Variants in UQCC1 observed in about 807,000 individuals in gnomAD.
UQCC1 encodes the protein bFGF-repressed Zic-binding protein.
UQCC1 carries 38 observed loss-of-function variants against 48.0 expected under a neutral mutation model. That is an observed-to-expected ratio of 0.79 (90% CI 0.61 to 1.04). The LOEUF (loss-of-function observed/expected upper bound fraction) is 1.04, where lower values mean the gene tolerates loss of function less well. Among genes scored for constraint, UQCC1 ranks in the 50% least tolerant of loss-of-function variants. UQCC1 has a pLI of 0.00. For synonymous variants in UQCC1, 111 were observed against 129.2 expected (o/e 0.86, Z 0.95); for missense variants, 368 against 381.8 (o/e 0.96, Z 0.30).
chr20:35,353,859 T>G (rs1338416846), intron 6 of UQCC1, among the ~76,000 whole-genome samples: 1 of 152,172 alleles, frequency 6.6e-6, no homozygotes, highest in Non-Finnish European at 1.5e-5. Context: ...TACAGTAATA[T>G]CTGACTCATC....
Position 35,303,991 on chromosome 20 carries a change from T to C in UQCC1, c.844A>G (p.Asn282Asp). The C allele has an allele frequency of 1.2e-6, 2 of 1,614,158 alleles. No homozygotes were observed. ...EVSWRPLVEKNPQSILKPHSP... is the reference protein window; with the variant it reads ...EVSWRPLVEKDPQSILKPHSP... The stretch of plus-strand genomic sequence containing the variant: ...TGGGGCTTCAGGATGCTCTGAGGAT[T>C]CTTCTCCACTAGAGGGCGCCAGCTC... The change falls in exon 10 of 10, where the codon AAT (asparagine) becomes GAT (aspartate). Residue 282 changes from asparagine to aspartate, a missense_variant. By Grantham distance (23) the Asn-to-Asp change is conservative (BLOSUM62 1). Transcript: ENST00000374385.
At chr20:35,353,226 A>C (rs2061509397) in intron 6 of UQCC1, among the ~76,000 whole-genome samples, 1 of 150,478 alleles carries the variant, frequency 6.6e-6, no homozygotes, top group Non-Finnish European at 1.5e-5. Context: ...GTGAAACCCT[A>C]TCTCTACTAA....
rs113934300 is a variant in UQCC1 at position 35,320,938 on chromosome 20, T to C, written c.574-6173A>G. ...CAATGCAACACAAGATTGTAGGTCA[T>C]GTTTTAGTTTGCTGTAGTAGACAGT... On this transcript the variant is annotated intron_variant, in intron 7 of 9. Transcript: ENST00000374385. 2.7e-3 allele frequency among the ~76,000 whole-genome samples: 412 copies of C among 152,356 alleles called. 1 individual carries two copies. Among genetic ancestry groups the C allele is most frequent in the African/African-American group, 8.8e-3 (365 of 41,582 alleles).
At chr20:35,391,198 A>G (rs1215662183) in intron 2 of UQCC1, among the ~76,000 whole-genome samples, 1 of 152,194 alleles carries the variant, frequency 6.6e-6, no homozygotes, top group Admixed American at 6.5e-5. Flanking sequence ...TGTCTCAAAA[A>G]AATGAATAAA....
At chr20:35,366,462 A>G (rs2061667318) in intron 6 of UQCC1, 95 bp downstream of exon 6, 3 of 1,062,850 alleles carry the variant, frequency 2.8e-6, no homozygotes, top group Admixed American at 2.2e-5. Flanking sequence ...AACAACTGCC[A>G]TTTCATATAA....
rs540202679 is a variant in UQCC1 at position 35,373,276 on chromosome 20, T to A, written c.406+908A>T. 7.9e-5 allele frequency among the ~76,000 whole-genome samples: 12 copies of A among 152,350 alleles called. No individual in the cohort carries two copies. In the South Asian group the frequency reaches 2.3e-3, roughly 29 times the overall value. Reference sequence around the variant, plus strand: ...AAATTATATATGCCTTTTGACCCAATAGTCTTTTAACATGAGAAAAATCAT... The same window carrying A: ...AAATTATATATGCCTTTTGACCCAAAAGTCTTTTAACATGAGAAAAATCAT... On this transcript the variant is annotated intron_variant, in intron 5 of 9. Coordinates refer to ENST00000374385, the MANE Select transcript of UQCC1 (RefSeq NM_018244.5).
chr20:35,305,282 G>A (rs1182800172), intron 9 of UQCC1, among the ~76,000 whole-genome samples: 1 of 152,202 alleles, frequency 6.6e-6, no homozygotes, highest in Admixed American at 6.5e-5. Flanking sequence ...CCCCACCAAA[G>A]CTCCCTGCTT....
At chr20:35,390,810 T>A (rs985655913) in intron 2 of UQCC1, among the ~76,000 whole-genome samples, 4 of 152,210 alleles carry the variant, frequency 2.6e-5, no homozygotes, top group African/African-American at 9.6e-5. Flanking sequence ...TAGCATTATG[T>A]ATCCCCTGAT....
intron 2 of UQCC1, among the ~76,000 whole-genome samples, chr20:35,392,868 G>C (rs988705619): frequency 6.6e-6 from 1 of 151,506 alleles, no homozygotes; most frequent in African/African-American, 2.4e-5. Flanking sequence ...CATCGAATAC[G>C]AAAAAGAAAG....
At chr20:35,368,419 T>C (rs2061693642) in intron 5 of UQCC1, among the ~76,000 whole-genome samples, 2 of 152,122 alleles carry the variant, frequency 1.3e-5, no homozygotes. Context: ...ACCAAGACAA[T>C]TGCTGTTCAA....
intron 8 of UQCC1, among the ~76,000 whole-genome samples, chr20:35,309,574 A>G (rs2060967790): frequency 6.6e-6 from 1 of 152,236 alleles, no homozygotes; most frequent in Admixed American, 6.5e-5. Context: ...GCAGAACTGG[A>G]AGAAGGGTCC....
chr20:35,315,234 GGAGGA>G (rs1209797765), intron 7 of UQCC1: 1 of 155,850 alleles, frequency 6.4e-6, no homozygotes, highest in Non-Finnish European at 1.4e-5. Flanking sequence ...GAAACTTGGA[GGAGGA>G]GGAGTTTGAC....
chr20:35,411,796 G>A, intron 1 of UQCC1, 144 bp downstream of exon 1: 3 of 1,123,086 alleles, frequency 2.7e-6, no homozygotes, highest in Non-Finnish European at 4.0e-6. Context: ...AGCTGCCTCA[G>A]TTTCCCCACG....
At chr20:35,359,935 G>A (rs894679382) in intron 6 of UQCC1, among the ~76,000 whole-genome samples, 1 of 152,102 alleles carries the variant, frequency 6.6e-6, no homozygotes, top group African/African-American at 2.4e-5. Flanking sequence ...CTTCTGGGGG[G>A]AGCATGAGGG....
chr20:35,308,459 C>T (rs3795159), intron 8 of UQCC1, among the ~76,000 whole-genome samples: 2 of 152,130 alleles, frequency 1.3e-5, no homozygotes, highest in South Asian at 2.1e-4. Context: ...ATTGGGAGCG[C>T]GTGTTATGGG....
At position 35,372,883 on chromosome 20, in the gene UQCC1, C is replaced by T. The variant is rs74853897; in HGVS notation, c.406+1301G>A. 8.5e-3 allele frequency among the ~76,000 whole-genome samples: 1,287 copies of T among 152,208 alleles called. 13 individuals are homozygous for T. Among genetic ancestry groups the T allele is most frequent in the African/African-American group, 0.028 (1,156 of 41,544 alleles). ...GACTCAAAGCAAGTCTCAAAAAACA[C>T]GATGCAACAAAAAAATAGTTATTAA... On this transcript the variant is annotated intron_variant, in intron 5 of 9. Transcript: ENST00000374385.
At chr20:35,406,707 C>A (rs1015490672) in intron 1 of UQCC1, among the ~76,000 whole-genome samples, 12 of 152,082 alleles carry the variant, frequency 7.9e-5, no homozygotes, top group Middle Eastern at 3.2e-3. Flanking sequence ...AAATACAGTA[C>A]AAATGGATTT....
chr20:35,398,592 G>A (rs946565356), intron 1 of UQCC1, among the ~76,000 whole-genome samples: 1 of 152,150 alleles, frequency 6.6e-6, no homozygotes, highest in Non-Finnish European at 1.5e-5. Context: ...TTGAGCTGTG[G>A]TTGGATCAGT....
chr20:35,304,017 A>G lies in UQCC1; in HGVS notation c.818T>C (p.Val273Ala). 6.2e-7 allele frequency: 1 copy of G among 1,613,864 alleles called. No homozygotes were observed. The highest frequency in any genetic ancestry group is 1.3e-5 in the African/African-American group (1 of 74,924). Reference protein sequence around the residue: ...NGEDLLLTGEVSWRPLVEKNP... With the variant: ...NGEDLLLTGEASWRPLVEKNP... Reference sequence around the variant, plus strand: ...CTTCTCCACTAGAGGGCGCCAGCTCACCTCCCCTGTCAGAAGCAGATCCTC... The same window carrying G: ...CTTCTCCACTAGAGGGCGCCAGCTCGCCTCCCCTGTCAGAAGCAGATCCTC... Residue 273 changes from valine to alanine, a missense_variant, in exon 10 of 10, where the codon GTG (valine) becomes GCG (alanine). By Grantham distance (64) the Val-to-Ala change is moderately conservative. Coordinates refer to ENST00000374385, the MANE Select transcript of UQCC1 (RefSeq NM_018244.5).
Sources: gnomAD v4.1 joint callset for allele counts (sites outside exome capture counted in the v4.1 genomes callset) on GRCh38, gnomAD v4.1.1 for gene constraint, MANE v1.5 for transcripts, NCBI Gene and HGNC (gene_info 2026-07-23, HGNC 2026-07-21) for gene names.